CDH18: variants seen among roughly 807,000 people sequenced by gnomAD.
CDH18 encodes cadherin-18.
Under a neutral mutation model 67.9 loss-of-function variants are expected in CDH18, and 31 were observed. The observed-to-expected ratio is 0.46, with a 90% confidence interval of 0.34 to 0.62. The LOEUF (loss-of-function observed/expected upper bound fraction) is 0.62, where lower values mean the gene tolerates loss of function less well. CDH18 is among the 20% of genes least tolerant of loss of function. The pLI, the probability that CDH18 is intolerant of heterozygous loss-of-function variation, is 0.01. For synonymous variants in CDH18, 362 were observed against 347.2 expected, an observed-to-expected ratio of 1.04 and a Z score of -0.48; for missense variants, 890 against 975.5, an observed-to-expected ratio of 0.91 and a Z score of 1.17.
intron 2 of CDH18, among the ~76,000 whole-genome samples, chr5:19,855,170 T>TTATCTCTTATC (rs1461655947): frequency 6.6e-6 from 1 of 152,148 alleles, no homozygotes; most frequent in South Asian, 2.1e-4. Flanking sequence ...TTCCCCGAAC[T>TTATCTCTTATC]TTATTTCTTA....
At chr5:19,869,436 T>C (rs151304410) in intron 2 of CDH18, among the ~76,000 whole-genome samples, 145 of 152,212 alleles carry the variant, frequency 9.5e-4, no homozygotes, top group East Asian at 4.5e-3. Flanking sequence ...CCCGATAAAA[T>C]GATCCCCTAA....
intron 1 of CDH18, among the ~76,000 whole-genome samples, chr5:20,289,661 T>C (rs1483603252): frequency 6.6e-6 from 1 of 151,980 alleles, no homozygotes; most frequent in Admixed American, 6.6e-5. Context: ...ACTTAGTTTC[T>C]AGCTGCAACA....
At chr5:20,417,586 A>T (rs570520283) in intron 1 of CDH18, among the ~76,000 whole-genome samples, 34 of 152,306 alleles carry the variant, frequency 2.2e-4, no homozygotes, top group African/African-American at 8.2e-4. Context: ...AGAGGAAGGG[A>T]TTCCTTTATA....
chr5:20,276,842 C>T (rs141208041), intron 1 of CDH18, among the ~76,000 whole-genome samples: 233 of 152,216 alleles, frequency 1.5e-3, no homozygotes, highest in Non-Finnish European at 2.1e-3. Context: ...GACTGAAGAG[C>T]TCTTGGGCCT....
chr5:19,558,114 C>T (rs748226543), intron 8 of CDH18, among the ~76,000 whole-genome samples: 38 of 151,966 alleles, frequency 2.5e-4, no homozygotes, highest in Admixed American at 1.6e-3. Context: ...AGTGACATGA[C>T]CTATCAAAAC....
chr5:20,541,614 G>T (rs1464200480), intron 1 of CDH18, among the ~76,000 whole-genome samples: 1 of 152,050 alleles, frequency 6.6e-6, no homozygotes, highest in Admixed American at 6.6e-5. Context: ...TGGAAGGGAG[G>T]TATTTAATCA....
intron 1 of CDH18, among the ~76,000 whole-genome samples, chr5:20,522,491 T>A (rs1755807548): frequency 6.6e-6 from 1 of 152,190 alleles, no homozygotes; most frequent in African/African-American, 2.4e-5. Context: ...CACCTGAATA[T>A]ATTTCTTCAG....
intron 5 of CDH18, 123 bp from the exon 6 acceptor site, chr5:19,612,724 G>T: frequency 1.4e-6 from 1 of 728,600 alleles, no homozygotes. Context: ...AAAGTCACAC[G>T]TCTGAGAAAA....
At chr5:20,510,814 G>C (rs1044981341) in intron 1 of CDH18, among the ~76,000 whole-genome samples, 17 of 152,100 alleles carry the variant, frequency 1.1e-4, no homozygotes, top group Non-Finnish European at 1.5e-5. Flanking sequence ...TCTAGCAATT[G>C]AAAGTGTTAA....
At chr5:19,662,217 G>T (rs779945657) in intron 5 of CDH18, among the ~76,000 whole-genome samples, 2 of 151,238 alleles carry the variant, frequency 1.3e-5, no homozygotes, top group Non-Finnish European at 2.9e-5. Context: ...TTTAAAAATC[G>T]GTCATTTTAC....
intron 5 of CDH18, among the ~76,000 whole-genome samples, chr5:19,624,943 T>C (rs913796787): frequency 6.6e-6 from 1 of 151,970 alleles, no homozygotes; most frequent in Non-Finnish European, 1.5e-5. Context: ...ATTCCTTCAA[T>C]TGGTAGCTAT....
At chr5:20,206,754 T>C (rs1185491003) in intron 2 of CDH18, among the ~76,000 whole-genome samples, 2 of 151,954 alleles carry the variant, frequency 1.3e-5, no homozygotes, top group Non-Finnish European at 2.9e-5. Context: ...AAAAGCCATA[T>C]GATATCAATA....
intron 1 of CDH18, among the ~76,000 whole-genome samples, chr5:20,530,188 G>A (rs1217079328): frequency 6.6e-6 from 1 of 151,938 alleles, no homozygotes; most frequent in Non-Finnish European, 1.5e-5. Flanking sequence ...CAAGGGAAGT[G>A]AAGGACCTCT....
chr5:19,595,520 A>G (rs988605002), intron 6 of CDH18, among the ~76,000 whole-genome samples: 1 of 152,204 alleles, frequency 6.6e-6, no homozygotes, highest in African/African-American at 2.4e-5. Context: ...GCTACTTGGG[A>G]GACTGAGGCA....
Position 20,392,561 on chromosome 5 carries a change from C to A in CDH18, c.-579-137056G>T, listed in dbSNP as rs538270021. ...ATGAAGAGACAGTGAATATTATTTT[C>A]CCCTTCTTATAGATGAGAATGCTGC... On this transcript the variant is annotated intron_variant, in intron 1 of 14. Transcript: ENST00000507958. Among the ~76,000 whole-genome samples, 10 of 151,866 alleles carry A rather than the reference C, an allele frequency of 6.6e-5. No individual in the cohort carries two copies. In the South Asian group the frequency reaches 2.1e-3, roughly 32 times the overall value.
At chr5:20,568,517 C>A (rs1581213272) in intron 1 of CDH18, among the ~76,000 whole-genome samples, 2 of 152,166 alleles carry the variant, frequency 1.3e-5, no homozygotes, top group East Asian at 3.9e-4. Flanking sequence ...TACCCTAAGA[C>A]CTCTGCCAGC....
intron 10 of CDH18, among the ~76,000 whole-genome samples, chr5:19,517,217 A>C (rs1012531935): frequency 6.6e-6 from 1 of 152,120 alleles, no homozygotes; most frequent in African/African-American, 2.4e-5. Context: ...AATAGAAATA[A>C]TTTTTAAAAA....
At chr5:19,872,748 G>T (rs1194752223) in intron 2 of CDH18, among the ~76,000 whole-genome samples, 1 of 152,182 alleles carries the variant, frequency 6.6e-6, no homozygotes, top group African/African-American at 2.4e-5. Flanking sequence ...TAAAAACTGA[G>T]ATGTAATAAA....
At chr5:20,375,226 C>T (rs1216683680) in intron 1 of CDH18, among the ~76,000 whole-genome samples, 4 of 152,168 alleles carry the variant, frequency 2.6e-5, no homozygotes, top group Non-Finnish European at 4.4e-5. Flanking sequence ...CTTTATAAAA[C>T]TCATTTAACC....
Sources: allele counts gnomAD v4.1 joint callset (sites outside exome capture counted in the v4.1 genomes callset), GRCh38; gene constraint gnomAD v4.1.1; transcripts MANE v1.5; gene names NCBI Gene and HGNC (gene_info 2026-07-23, HGNC 2026-07-21).